HIVEP3: variants seen among roughly 807,000 people sequenced by gnomAD.
The protein encoded by HIVEP3 is transcription factor HIVEP3.
In HIVEP3, 49 loss-of-function variants were observed where a neutral mutation model predicts 152.8. The observed-to-expected ratio is 0.32, with a 90% CI of 0.26 to 0.41. The LOEUF is 0.41. HIVEP3 is among the 10% of genes least tolerant of loss of function. The probability of loss-of-function intolerance (pLI) is 1.00; values close to 1 mark genes in which losing one functional copy is unlikely to be tolerated. For missense variants in HIVEP3, 2,790 were observed against 3,103.3 expected (o/e 0.90, Z 2.40); for synonymous variants, 1,269 against 1,289.0 (o/e 0.98, Z 0.33).
rs952508691 is a variant in HIVEP3, at chr1:41,507,336, G to T, written c.*3115C>A. ...GGGCTCCTGGAGGGTTGCAGGGGTT[G>T]AGCCCAGAGTGAGAGCCACAGGTGC... On this transcript the variant is annotated 3_prime_UTR_variant, in exon 9 of 9. Coordinates refer to ENST00000372583, the MANE Select transcript of HIVEP3 (RefSeq NM_024503.5). The T allele has an allele frequency of 4.6e-5, 7 of 152,336 alleles. No individual in the cohort carries two copies. The highest frequency in any genetic ancestry group is 8.8e-5 in the Non-Finnish European group (6 of 68,120). The allele number at this position is 152,336 out of a possible 1,614,324, so 9.4% of individuals were successfully genotyped here. A position where few individuals can be genotyped will look rare whatever the true frequency, so the allele number is the denominator to read the frequency against.
intron 2 of HIVEP3, among the ~76,000 whole-genome samples, chr1:41,645,816 T>C (rs938091103): frequency 2.0e-5 from 3 of 152,192 alleles, no homozygotes; most frequent in African/African-American, 7.2e-5. Flanking sequence ...CAACTGAAGG[T>C]GACAGGCCTC....
rs77477008 is a variant in HIVEP3, at chr1:41,622,419, G to A, written c.-522+6330C>T. The stretch of plus-strand genomic sequence containing the variant: ...GGGGAGGAAGAAGGATGGAGATAAC[G>A]GGAACAGGCTGAACTGGGAATGCTG... On this transcript the variant is annotated intron_variant, in intron 3 of 8. Transcript: ENST00000372583. Among the ~76,000 whole-genome samples, 79 of 152,276 alleles carry A rather than the reference G, an allele frequency of 5.2e-4. No homozygotes were observed. The East Asian group carries it at 0.013, about 25-fold the overall frequency.
At chr1:41,993,381 CA>C (rs1328021151) in intron 1 of HIVEP3, among the ~76,000 whole-genome samples, 1 of 149,794 alleles carries the variant, frequency 6.7e-6, no homozygotes, top group African/African-American at 2.5e-5. Flanking sequence ...TTTATGCAGC[CA>C]AAAAACACAT....
chr1:41,723,346 T>A (rs1020050022), intron 1 of HIVEP3, among the ~76,000 whole-genome samples: 1 of 152,018 alleles, frequency 6.6e-6, no homozygotes, highest in Non-Finnish European at 1.5e-5. Flanking sequence ...ACCATCCCCA[T>A]CCTTATCCCA....
chr1:41,525,619 G>A (rs558654431), intron 5 of HIVEP3, among the ~76,000 whole-genome samples: 2 of 152,356 alleles, frequency 1.3e-5, no homozygotes, highest in African/African-American at 4.8e-5. Flanking sequence ...CTGCACGTCA[G>A]CCTGCAAGCT....
At chr1:41,753,710 A>AAATAAATAAAT (rs1263139264) in intron 1 of HIVEP3, among the ~76,000 whole-genome samples, 17 of 77,184 alleles carry the variant, frequency 2.2e-4, no homozygotes, top group Non-Finnish European at 4.7e-4. Flanking sequence ...AATAAATAAA[A>AAATAAATAAAT]ATAGAAAACA....
At chr1:41,875,789 A>C (rs371982543) in intron 1 of HIVEP3, among the ~76,000 whole-genome samples, 4 of 152,360 alleles carry the variant, frequency 2.6e-5, no homozygotes, top group South Asian at 4.1e-4. Context: ...AGCAGGGTAC[A>C]TGCCCTGCAC....
chr1:41,561,659 C>T (rs1305105341), intron 5 of HIVEP3, among the ~76,000 whole-genome samples: 1 of 139,080 alleles, frequency 7.2e-6, no homozygotes, highest in Non-Finnish European at 1.6e-5. Context: ...ACTATAGGCA[C>T]ACACTACCAT....
intron 3 of HIVEP3, among the ~76,000 whole-genome samples, chr1:41,596,415 G>A (rs1165724238): frequency 2.6e-5 from 4 of 152,050 alleles, no homozygotes; most frequent in Admixed American, 2.0e-4. Flanking sequence ...GAGGTTTTTT[G>A]CTAATCCAAT....
chr1:41,629,816 C>T (rs746622549), intron 2 of HIVEP3, among the ~76,000 whole-genome samples: 40 of 152,120 alleles, frequency 2.6e-4, no homozygotes, highest in Admixed American at 9.2e-4. Context: ...AATGCTTATA[C>T]GCGGTTGGCA....
At chr1:41,738,421 C>T (rs549572135) in intron 1 of HIVEP3, among the ~76,000 whole-genome samples, 71 of 152,244 alleles carry the variant, frequency 4.7e-4, no homozygotes, top group South Asian at 1.4e-3. Context: ...GGGAAGAAAA[C>T]AATTTAAAAA....
chr1:41,907,109 T>G (rs2124460743), intron 1 of HIVEP3, among the ~76,000 whole-genome samples: 1 of 152,220 alleles, frequency 6.6e-6, no homozygotes, highest in East Asian at 1.9e-4. Context: ...GGCTTCTGCC[T>G]CCCAGGTAGA....
chr1:41,555,310 G>A (rs1471795525), intron 5 of HIVEP3, among the ~76,000 whole-genome samples: 2 of 152,250 alleles, frequency 1.3e-5, no homozygotes, highest in South Asian at 4.1e-4. Context: ...GCCAGGCGCA[G>A]AATATAATGT....
intron 1 of HIVEP3, among the ~76,000 whole-genome samples, chr1:41,932,179 T>A (rs1014716180): frequency 6.6e-6 from 1 of 151,954 alleles, no homozygotes; most frequent in Non-Finnish European, 1.5e-5. Context: ...AAAGTGCTTT[T>A]TGTAAATCTA....
chr1:41,573,465 G>C (rs986656390), intron 5 of HIVEP3, among the ~76,000 whole-genome samples: 3 of 152,206 alleles, frequency 2.0e-5, no homozygotes, highest in Non-Finnish European at 2.9e-5. Flanking sequence ...TAGCCAGGCT[G>C]GGGGAGGAAA....
intron 1 of HIVEP3, among the ~76,000 whole-genome samples, chr1:41,781,811 T>C (rs144333470): frequency 2.4e-4 from 37 of 152,380 alleles, no homozygotes; most frequent in African/African-American, 8.9e-4. Flanking sequence ...GCACATGTTA[T>C]TTCTTTTGCT....
At chr1:41,556,885 G>A (rs1196633825) in intron 5 of HIVEP3, among the ~76,000 whole-genome samples, 2 of 152,206 alleles carry the variant, frequency 1.3e-5, no homozygotes, top group Non-Finnish European at 2.9e-5. Flanking sequence ...TCCTTGGAAA[G>A]ACTTTCTTTC....
chr1:41,862,939 T>C (rs1161867450), intron 1 of HIVEP3, among the ~76,000 whole-genome samples: 1 of 152,194 alleles, frequency 6.6e-6, no homozygotes, highest in Non-Finnish European at 1.5e-5. Context: ...GCTGCAGTTA[T>C]TCTGAATGGC....
At chr1:41,787,970 G>A (rs1649462558) in intron 1 of HIVEP3, among the ~76,000 whole-genome samples, 1 of 152,204 alleles carries the variant, frequency 6.6e-6, no homozygotes, top group South Asian at 2.1e-4. Context: ...GGAGAGAGAA[G>A]TCAGAGACAG....
Sources: gnomAD v4.1 joint callset for allele counts (sites outside exome capture counted in the v4.1 genomes callset) on GRCh38, gnomAD v4.1.1 for gene constraint, MANE v1.5 for transcripts, NCBI Gene and HGNC (gene_info 2026-07-23, HGNC 2026-07-21) for gene names.